The following SDK1 variants were observed in gnomAD, a reference collection of about 807,000 sequenced individuals.
The protein encoded by SDK1 is protein sidekick-1.
A neutral mutation model predicts 245.5 loss-of-function variants in SDK1; 157 were observed. The observed-to-expected ratio is 0.64, with a 90% CI of 0.56 to 0.73. The LOEUF is 0.73. Ranked by LOEUF, SDK1 falls within the 30% of genes least tolerant of loss-of-function variation. The pLI, the probability that SDK1 is intolerant of heterozygous loss-of-function variation, is 0.00. For missense variants in SDK1, 3,583 were observed against 3,002.3 expected (o/e 1.19, Z -4.52); for synonymous variants, 1,647 against 1,278.5 (o/e 1.29, Z -6.15).
At position 4,162,384 on chromosome 7, in the gene SDK1, A is replaced by G. The variant is rs1283489747; in HGVS notation, c.4800+528A>G. ...TGTTGTTGTTGTTATTATTATTATT[A>G]TTATTATTATTATTATTATTATTAT... On this transcript the variant is annotated intron_variant, in intron 32 of 44. Transcript: ENST00000404826. Among the ~76,000 whole-genome samples, 235 of 118,736 alleles carry G rather than the reference A, an allele frequency of 2.0e-3. 3 individuals carry two copies. The highest frequency in any genetic ancestry group is 0.016 in the East Asian group (78 of 4,994). The allele number at this position is 118,736 out of a possible 152,430, so 77.9% of individuals were successfully genotyped here. A position where few individuals can be genotyped will look rare whatever the true frequency, so the allele number is the denominator to read the frequency against.
At chr7:3,958,084 A>C (rs1380695127) in intron 7 of SDK1, 2 of 458,834 alleles carry the variant, frequency 4.4e-6, no homozygotes, top group Non-Finnish European at 9.0e-6. Context: ...GAGGCATGCC[A>C]AGCTATCTTA....
chr7:3,743,513 C>A (rs6964615), intron 4 of SDK1, among the ~76,000 whole-genome samples: 2 of 152,036 alleles, frequency 1.3e-5, no homozygotes, highest in African/African-American at 2.4e-5. Flanking sequence ...AAATAAGAGT[C>A]TCTAACAAAA....
At chr7:4,090,113 GC>G (rs1781691179) in intron 22 of SDK1, among the ~76,000 whole-genome samples, 2 of 152,162 alleles carry the variant, frequency 1.3e-5, no homozygotes, top group South Asian at 4.1e-4. Context: ...GTTTGACTTG[GC>G]CTTGGCATGT....
chr7:4,029,608 AT>A (rs1332061241), intron 17 of SDK1, among the ~76,000 whole-genome samples: 2 of 152,078 alleles, frequency 1.3e-5, no homozygotes, highest in Non-Finnish European at 2.9e-5. Context: ...AGGTCATTAG[AT>A]GGACTCCCAC....
At chr7:3,574,184 T>G (rs377552871) in intron 1 of SDK1, among the ~76,000 whole-genome samples, 26 of 151,568 alleles carry the variant, frequency 1.7e-4, no homozygotes, top group Admixed American at 4.6e-4. Context: ...TGGCACAATC[T>G]CGGCTCACTG....
intron 1 of SDK1, among the ~76,000 whole-genome samples, chr7:3,574,050 G>A (rs997313997): frequency 4.6e-5 from 7 of 151,798 alleles, no homozygotes; most frequent in Non-Finnish European, 1.0e-4. Context: ...TGAAGAATTT[G>A]TAGCTGAGGA....
At chr7:3,349,053 C>A (rs1392092930) in intron 1 of SDK1, among the ~76,000 whole-genome samples, 1 of 152,008 alleles carries the variant, frequency 6.6e-6, no homozygotes, top group African/African-American at 2.4e-5. Flanking sequence ...CCTTTTTACC[C>A]CTTTGGCTGC....
At chr7:3,745,327 G>A (rs1483771281) in intron 4 of SDK1, among the ~76,000 whole-genome samples, 1 of 152,082 alleles carries the variant, frequency 6.6e-6, no homozygotes, top group African/African-American at 2.4e-5. Flanking sequence ...ACCTGCTTTT[G>A]CCACTACTAT....
chr7:3,999,783 C>T (rs182909144), intron 14 of SDK1, among the ~76,000 whole-genome samples: 36 of 152,270 alleles, frequency 2.4e-4, no homozygotes, highest in Admixed American at 2.3e-3. Flanking sequence ...CTCATTGAAG[C>T]TGGAGAAATA....
intron 17 of SDK1, among the ~76,000 whole-genome samples, chr7:4,018,971 G>A (rs1284888239): frequency 1.3e-5 from 2 of 152,134 alleles, no homozygotes; most frequent in East Asian, 3.9e-4. Flanking sequence ...AAGTTTAGGT[G>A]GGACGCCATT....
chr7:3,613,551 A>G (rs565731664), intron 1 of SDK1, among the ~76,000 whole-genome samples: 1 of 152,256 alleles, frequency 6.6e-6, no homozygotes, highest in East Asian at 1.9e-4. Flanking sequence ...GGGAGTGTAA[A>G]TTAGTTCAGC....
At position 4,208,110 on chromosome 7, in the gene SDK1, G is replaced by C. The variant is rs1426874533; in HGVS notation, c.5226G>C (p.Trp1742Cys). The C allele has an allele frequency of 1.2e-6, 2 of 1,612,722 alleles. No individual in the cohort carries two copies. Among genetic ancestry groups the C allele is most frequent in the African/African-American group, 1.3e-5 (1 of 74,826 alleles). The stretch of plus-strand genomic sequence containing the variant: ...GCTGTTCCTAACAGATTTACTACTG[G>C]GAGGCAGACAGCCAGAACGAAACGG... ...GNIQGYKIYYWEADSQNETEK... is the reference protein window; with the variant it reads ...GNIQGYKIYYCEADSQNETEK... The change falls in exon 37 of 45, where the codon TGG becomes TGC. Residue 1742 changes from tryptophan (W) to cysteine (C), a missense_variant. By Grantham distance (215) the Trp-to-Cys change is radical (BLOSUM62 -2). Coordinates refer to ENST00000404826, the MANE Select transcript of SDK1 (RefSeq NM_152744.4).
rs1228965429 is a variant in SDK1, at chr7:3,325,669, A to G, written c.298+23785A>G. 3.3e-5 allele frequency among the ~76,000 whole-genome samples: 5 copies of G among 152,268 alleles called. 1 individual carries two copies. In the East Asian group the frequency reaches 9.6e-4, roughly 29 times the overall value. ...AAAATGAACCAGCTTCCTGTGTAAAATTATTAATATTGCTAAATAATGTAG... is the reference window on the plus strand; with the variant it reads ...AAAATGAACCAGCTTCCTGTGTAAAGTTATTAATATTGCTAAATAATGTAG... On this transcript the variant is annotated intron_variant, in intron 1 of 44. Transcript: ENST00000404826.
intron 1 of SDK1, among the ~76,000 whole-genome samples, chr7:3,572,621 C>G (rs1583180590): frequency 6.6e-6 from 1 of 151,984 alleles, no homozygotes; most frequent in East Asian, 1.9e-4. Context: ...TTATTTTATT[C>G]TGACGAGCTT....
intron 5 of SDK1, among the ~76,000 whole-genome samples, chr7:3,907,737 G>C (rs771125139): frequency 2.6e-5 from 4 of 152,200 alleles, no homozygotes; most frequent in Non-Finnish European, 5.9e-5. Context: ...CAGAGGTGGT[G>C]AGGGTCTTAC....
intron 5 of SDK1, among the ~76,000 whole-genome samples, chr7:3,828,084 C>G (rs1360505913): frequency 6.6e-6 from 1 of 152,038 alleles, no homozygotes; most frequent in Non-Finnish European, 1.5e-5. Flanking sequence ...TTGAGACCAG[C>G]CTAACTAATA....
intron 13 of SDK1, among the ~76,000 whole-genome samples, chr7:3,975,700 C>A (rs1230148014): frequency 6.6e-6 from 1 of 152,250 alleles, no homozygotes; most frequent in African/African-American, 2.4e-5. Flanking sequence ...AGCAGTCAGT[C>A]CGGAAGGCCC....
At chr7:3,993,740 G>T (rs1659531836) in intron 14 of SDK1, among the ~76,000 whole-genome samples, 2 of 151,924 alleles carry the variant, frequency 1.3e-5, no homozygotes, top group African/African-American at 2.4e-5. Flanking sequence ...TCTGTGTTCT[G>T]TCTTCAAAGC....
At chr7:3,493,959 A>G (rs935378717) in intron 1 of SDK1, among the ~76,000 whole-genome samples, 1 of 152,260 alleles carries the variant, frequency 6.6e-6, no homozygotes, top group African/African-American at 2.4e-5. Context: ...TTGTATAGCC[A>G]GAACAGGCAG....
Sources: allele counts gnomAD v4.1 joint callset (sites outside exome capture counted in the v4.1 genomes callset), GRCh38; gene constraint gnomAD v4.1.1; transcripts MANE v1.5; gene names NCBI Gene and HGNC (gene_info 2026-07-23, HGNC 2026-07-21).